WDR59: variants seen among roughly 807,000 people sequenced by gnomAD.
WDR59 encodes GATOR2 complex protein WDR59.
A neutral mutation model predicts 131.2 loss-of-function variants in WDR59; 100 were observed. That is an observed-to-expected ratio of 0.76 (90% CI 0.65 to 0.90). The LOEUF (loss-of-function observed/expected upper bound fraction) is 0.90. Ranked by LOEUF, WDR59 falls within the 40% of genes least tolerant of loss-of-function variation. The probability of loss-of-function intolerance (pLI) is 0.00; values close to 1 mark genes in which losing one functional copy is unlikely to be tolerated. For missense variants in WDR59, 1,203 were observed against 1,262.2 expected (o/e 0.95, Z 0.71); for synonymous variants, 601 against 466.2 (o/e 1.29, Z -3.72).
At chr16:74,976,657 G>A (rs1032255490) in intron 1 of WDR59, among the ~76,000 whole-genome samples, 3 of 152,016 alleles carry the variant, frequency 2.0e-5, no homozygotes, top group Non-Finnish European at 2.9e-5. Context: ...TAGCCAGGAT[G>A]GTCTCGATCT....
intron 13 of WDR59, chr16:74,915,577 A>T (rs1008158453): frequency 1.6e-5 from 3 of 189,746 alleles, no homozygotes; most frequent in African/African-American, 2.6e-5. Flanking sequence ...TTACAGGCTA[A>T]TTTTTTTTTT....
chr16:74,943,165 C>G (rs779850638), intron 6 of WDR59, among the ~76,000 whole-genome samples: 1 of 151,974 alleles, frequency 6.6e-6, no homozygotes. Flanking sequence ...GTCACACAAC[C>G]TGACCCTTTC....
chr16:74,886,492 C>T, intron 23 of WDR59, 96 bp from the exon 24 acceptor site: 2 of 1,469,000 alleles, frequency 1.4e-6, no homozygotes, highest in Non-Finnish European at 1.8e-6. Flanking sequence ...CAATGGATTT[C>T]CCAGAAGAAA....
intron 2 of WDR59, chr16:74,959,215 ACT>A (rs1445910366): frequency 3.9e-6 from 1 of 257,228 alleles, no homozygotes; most frequent in Admixed American, 5.1e-5. Context: ...AGCACTCACG[ACT>A]CTGCCTTTTA....
At chr16:74,961,183 C>A (rs1018956086) in intron 2 of WDR59, among the ~76,000 whole-genome samples, 2 of 151,488 alleles carry the variant, frequency 1.3e-5, no homozygotes, top group Non-Finnish European at 2.9e-5. Context: ...GTGGTACATG[C>A]CGGCAGTCCC....
At chr16:74,915,711 A>C in intron 13 of WDR59, 159 bp downstream of exon 13, 4 of 996,338 alleles carry the variant, frequency 4.0e-6, no homozygotes, top group Non-Finnish European at 5.8e-6. Flanking sequence ...GGCGTGAGCC[A>C]CCGCGCCTGG....
chr16:74,893,647 T>A (rs1263476476), intron 19 of WDR59, 32 bp downstream of exon 19: 3 of 1,563,098 alleles, frequency 1.9e-6, no homozygotes, highest in Admixed American at 3.7e-5. Context: ...GGCTAAATGA[T>A]GAGTGCAGCA....
At chr16:74,970,097 G>C (rs541732019) in intron 1 of WDR59, among the ~76,000 whole-genome samples, 2 of 152,078 alleles carry the variant, frequency 1.3e-5, no homozygotes, top group African/African-American at 2.4e-5. Context: ...CTAATTTTTT[G>C]TATTTTTGGT....
chr16:74,899,255 G>A (rs1417780614), intron 18 of WDR59, among the ~76,000 whole-genome samples: 1 of 152,162 alleles, frequency 6.6e-6, no homozygotes, highest in Non-Finnish European at 1.5e-5. Flanking sequence ...TGAAGCAGGT[G>A]GGCACCTCCC....
chr16:74,974,310 A>G (rs894084369), intron 1 of WDR59, among the ~76,000 whole-genome samples: 2 of 152,180 alleles, frequency 1.3e-5, no homozygotes, highest in Non-Finnish European at 2.9e-5. Context: ...CCTCACCTGC[A>G]AAATGACAGG....
chr16:74,961,400 T>C (rs1028529970), intron 2 of WDR59, among the ~76,000 whole-genome samples: 35 of 152,196 alleles, frequency 2.3e-4, no homozygotes, highest in Admixed American at 1.7e-3. Flanking sequence ...TGAACTAATT[T>C]ACATTCCCAT....
chr16:74,943,840 A>G (rs2032411072), intron 6 of WDR59, among the ~76,000 whole-genome samples: 1 of 152,128 alleles, frequency 6.6e-6, no homozygotes. Context: ...TAAGCCCAGA[A>G]CTTGGTCCTG....
chr16:74,971,424 TCC>T (rs1404388888), intron 1 of WDR59, among the ~76,000 whole-genome samples: 1 of 141,772 alleles, frequency 7.1e-6, no homozygotes, highest in African/African-American at 2.7e-5. Context: ...CTTCTTTCCT[TCC>T]TTTTTTTTTT....
intron 17 of WDR59, 171 bp downstream of exon 17, chr16:74,908,737 A>G: frequency 3.5e-6 from 2 of 569,786 alleles, no homozygotes; most frequent in Admixed American, 6.6e-5. Context: ...CAGAAATCAC[A>G]GCTTTTTTGC....
At position 74,921,085 on chromosome 16, in the gene WDR59, T is replaced by A. The variant is rs184141988; in HGVS notation, c.886+862A>T. Among the ~76,000 whole-genome samples the A allele has an allele frequency of 5.9e-4, 89 of 151,810 alleles. 1 individual carries two copies. Among genetic ancestry groups the A allele is most frequent in the Middle Eastern group, 3.4e-3 (1 of 294 alleles). On this transcript the variant is annotated intron_variant, in intron 10 of 25. Coordinates refer to ENST00000262144, the MANE Select transcript of WDR59 (RefSeq NM_030581.4). ...TGATATATTTCACAGTAAAAAAAAATTTTTTTTTATTTAAACTTTCATTTT... is the reference window on the plus strand; with the variant it reads ...TGATATATTTCACAGTAAAAAAAAAATTTTTTTTATTTAAACTTTCATTTT...
chr16:74,885,949 G>T (rs1404810775), intron 24 of WDR59, 154 bp from the exon 25 acceptor site: 2 of 920,970 alleles, frequency 2.2e-6, no homozygotes, highest in Non-Finnish European at 3.2e-6. Context: ...GGCTGAGGCG[G>T]GTGGATCACT....
chr16:74,881,872 C>CAAAAAAAAAA (rs1231563634), intron 25 of WDR59, among the ~76,000 whole-genome samples: 1 of 48,374 alleles, frequency 2.1e-5, no homozygotes, highest in Non-Finnish European at 4.3e-5. Flanking sequence ...GACTCCGTCT[C>CAAAAAAAAAA]AAAAAAAAAA....
intron 2 of WDR59, chr16:74,962,853 T>A (rs2033616547): frequency 6.6e-6 from 1 of 151,912 alleles, no homozygotes; most frequent in South Asian, 2.1e-4. Context: ...TTCAATACTA[T>A]GTTGAGTAGG....
chr16:74,928,128 A>G (rs73605983), intron 8 of WDR59, among the ~76,000 whole-genome samples: 5,876 of 150,822 alleles, frequency 0.039, 336 homozygotes, highest in African/African-American at 0.13. Flanking sequence ...GGATTAGCTC[A>G]ATCTCTTGAC....
Sources: gnomAD v4.1 joint callset for allele counts (sites outside exome capture counted in the v4.1 genomes callset) on GRCh38, gnomAD v4.1.1 for gene constraint, MANE v1.5 for transcripts, NCBI Gene and HGNC (gene_info 2026-07-23, HGNC 2026-07-21) for gene names.